The following ITFG1 variants were observed in gnomAD, a reference collection of about 807,000 sequenced individuals.
ITFG1 encodes the protein integrin alpha FG-GAP repeat containing 1.
Under a neutral mutation model 81.8 loss-of-function variants are expected in ITFG1, and 34 were observed. The ratio of observed to expected loss-of-function variants is 0.42; its 90% CI spans 0.32 to 0.55. The LOEUF (loss-of-function observed/expected upper bound fraction) is 0.55. Among genes scored for constraint, ITFG1 ranks in the 20% least tolerant of loss-of-function variants. ITFG1 has a pLI of 0.17. For missense variants in ITFG1, 672 were observed against 755.4 expected (o/e 0.89, Z 1.29); for synonymous variants, 285 against 270.6 (o/e 1.05, Z -0.52).
chr16:47,425,039 C>G (rs970747234), intron 6 of ITFG1, among the ~76,000 whole-genome samples: 2 of 152,286 alleles, frequency 1.3e-5, no homozygotes. Context: ...TGCCCTGCCC[C>G]CAGTGGTGGA....
At chr16:47,450,589 AAC>A (rs1471908850) in intron 5 of ITFG1, 4 of 215,408 alleles carry the variant, frequency 1.9e-5, no homozygotes, top group South Asian at 4.8e-5. Flanking sequence ...ATTTCTATAA[AAC>A]ACAAAGAGAA....
intron 3 of ITFG1, among the ~76,000 whole-genome samples, chr16:47,453,126 C>CATA (rs1193532158): frequency 2.0e-5 from 3 of 152,204 alleles, no homozygotes; most frequent in African/African-American, 7.2e-5. Flanking sequence ...AAGAAGGCCA[C>CATA]ATATGCAAAA....
chr16:47,307,464 G>C (rs1405267219), intron 10 of ITFG1, among the ~76,000 whole-genome samples: 1 of 152,012 alleles, frequency 6.6e-6, no homozygotes, highest in Non-Finnish European at 1.5e-5. Flanking sequence ...ATTCATTATA[G>C]CAGATGAATA....
At chr16:47,197,094 T>C (rs1965367079) in intron 14 of ITFG1, among the ~76,000 whole-genome samples, 1 of 152,212 alleles carries the variant, frequency 6.6e-6, no homozygotes. Context: ...CTCCAAAATA[T>C]TGATATATTT....
intron 14 of ITFG1, among the ~76,000 whole-genome samples, chr16:47,175,404 A>G (rs968078989): frequency 9.9e-5 from 15 of 151,796 alleles, no homozygotes; most frequent in Non-Finnish European, 2.1e-4. Context: ...TAAACAAGAA[A>G]AGTGAAGCTA....
chr16:47,403,437 C>T (rs781141105), intron 6 of ITFG1, among the ~76,000 whole-genome samples: 64 of 151,834 alleles, frequency 4.2e-4, no homozygotes, highest in Middle Eastern at 3.4e-3. Flanking sequence ...TAGGGGGTGA[C>T]GCTTTAGCTA....
intron 8 of ITFG1, among the ~76,000 whole-genome samples, chr16:47,340,146 C>T (rs1323760478): frequency 1.3e-5 from 2 of 151,846 alleles, no homozygotes; most frequent in Non-Finnish European, 2.9e-5. Context: ...TAAGATATTC[C>T]CAGATAAAGG....
At chr16:47,338,828 TAC>T (rs1967744127) in intron 8 of ITFG1, among the ~76,000 whole-genome samples, 1 of 152,186 alleles carries the variant, frequency 6.6e-6, no homozygotes, top group African/African-American at 2.4e-5. Flanking sequence ...AATCCAATTC[TAC>T]TCTTCTATTT....
At chr16:47,275,487 C>T (rs774289822) in intron 10 of ITFG1, among the ~76,000 whole-genome samples, 1 of 152,090 alleles carries the variant, frequency 6.6e-6, no homozygotes, top group Non-Finnish European at 1.5e-5. Flanking sequence ...ATAAAAATCA[C>T]GTACATGCTG....
At chr16:47,229,479 A>G (rs546166596) in intron 13 of ITFG1, among the ~76,000 whole-genome samples, 1 of 152,276 alleles carries the variant, frequency 6.6e-6, no homozygotes, top group Non-Finnish European at 1.5e-5. Flanking sequence ...CCAGGGCTCT[A>G]TCTCAGGAAG....
chr16:47,327,306 C>T (rs558019879), intron 8 of ITFG1, among the ~76,000 whole-genome samples: 162 of 152,276 alleles, frequency 1.1e-3, no homozygotes, highest in South Asian at 2.9e-3. Flanking sequence ...CTTCCTTACA[C>T]CTTATACAAA....
chr16:47,177,079 C>A (rs895005173), intron 14 of ITFG1, among the ~76,000 whole-genome samples: 2 of 151,902 alleles, frequency 1.3e-5, no homozygotes, highest in African/African-American at 4.8e-5. Flanking sequence ...CTGGCCTCAT[C>A]CTCCAGAGTA....
At chr16:47,222,272 T>C (rs1425502784) in intron 13 of ITFG1, among the ~76,000 whole-genome samples, 1 of 151,808 alleles carries the variant, frequency 6.6e-6, no homozygotes, top group Non-Finnish European at 1.5e-5. Context: ...GTCCCAGAGA[T>C]TCTGGTATGT....
In ITFG1 at chr16:47,398,727, T is replaced by C. The variant is rs140684347; in HGVS notation, c.656-22787A>G. Among the ~76,000 whole-genome samples, 61 of 152,362 alleles carry C rather than the reference T, an allele frequency of 4.0e-4. 1 individual carries two copies. The East Asian group carries it at 0.011, about 28-fold the overall frequency. On this transcript the variant is annotated intron_variant, in intron 6 of 17. Transcript: ENST00000320640. ...GAATTTAATCTGCTGGCAGGTTTTC[T>C]GTTCAGAATGATATCACAATACCAA...
chr16:47,204,591 A>G (rs746727766), intron 14 of ITFG1, among the ~76,000 whole-genome samples: 2 of 152,198 alleles, frequency 1.3e-5, no homozygotes, highest in Non-Finnish European at 2.9e-5. Context: ...CTAAGGAGGT[A>G]TGCATACACA....
intron 6 of ITFG1, among the ~76,000 whole-genome samples, chr16:47,381,624 G>C (rs1424997001): frequency 6.6e-6 from 1 of 152,104 alleles, no homozygotes; most frequent in African/African-American, 2.4e-5. Flanking sequence ...GTTTATATTT[G>C]TTCTATAGTA....
chr16:47,457,833 C>G (rs1969473602), intron 2 of ITFG1, among the ~76,000 whole-genome samples: 1 of 152,066 alleles, frequency 6.6e-6, no homozygotes, highest in African/African-American at 2.4e-5. Context: ...TTCTCATATA[C>G]ACTCAACTTC....
chr16:47,223,660 T>C (rs565441330), intron 13 of ITFG1, among the ~76,000 whole-genome samples: 3 of 152,284 alleles, frequency 2.0e-5, no homozygotes, highest in South Asian at 4.1e-4. Context: ...AGTGTGGCGA[T>C]TCCTCAGGGA....
intron 16 of ITFG1, 108 bp downstream of exon 16, chr16:47,161,642 C>T (rs773327251): frequency 4.6e-6 from 3 of 654,934 alleles, no homozygotes; most frequent in Non-Finnish European, 8.3e-6. Flanking sequence ...AAGGGATGGG[C>T]ACTCATGGGA....
Sources: allele counts gnomAD v4.1 joint callset (sites outside exome capture counted in the v4.1 genomes callset), GRCh38; gene constraint gnomAD v4.1.1; transcripts MANE v1.5; gene names NCBI Gene and HGNC (gene_info 2026-07-23, HGNC 2026-07-21).